PCDHGA5: variants seen among roughly 807,000 people sequenced by gnomAD.
PCDHGA5 encodes the protein protocadherin gamma subfamily A, 5.
Under a neutral mutation model 56.7 loss-of-function variants are expected in PCDHGA5, and 36 were observed. The observed-to-expected ratio is 0.64, with a 90% confidence interval of 0.49 to 0.84. The LOEUF (loss-of-function observed/expected upper bound fraction) is 0.84. Among genes scored for constraint, PCDHGA5 ranks in the 40% least tolerant of loss-of-function variants. The pLI is 0.00. For missense variants in PCDHGA5, 1,305 were observed against 1,201.5 expected (o/e 1.09, Z -1.27); for synonymous variants, 563 against 520.2 (o/e 1.08, Z -1.12).
chr5:141,488,175 T>C (rs889217562), intron 1 of PCDHGA5, among the ~76,000 whole-genome samples: 1 of 152,168 alleles, frequency 6.6e-6, no homozygotes, highest in Non-Finnish European at 1.5e-5. Context: ...AGTGGTGGCA[T>C]AGATCTTTTG....
Position 141,370,705 on chromosome 5 carries a change from T to C in PCDHGA5, c.2421+3954T>C, listed in dbSNP as rs766733768. ...TGTGGCAAGAAGTCGACGTGTGTTC[T>C]GGAATTTGAAATGGTTGCTGAAAAG... On this transcript the variant is annotated intron_variant, in intron 1 of 3. Transcript: ENST00000518069. The C allele has an allele frequency of 5.0e-6, 8 of 1,613,842 alleles. No individual in the cohort carries two copies. Among genetic ancestry groups the C allele is most frequent in the Non-Finnish European group, 6.8e-6 (8 of 1,179,894 alleles).
At chr5:141,437,013 A>G (rs570721163) in intron 1 of PCDHGA5, among the ~76,000 whole-genome samples, 146 of 152,354 alleles carry the variant, frequency 9.6e-4, no homozygotes, top group Non-Finnish European at 1.2e-3. Flanking sequence ...ATCTTAGATA[A>G]TTTCACCAGA....
At chr5:141,462,990 A>G (rs181384059) in intron 1 of PCDHGA5, among the ~76,000 whole-genome samples, 1 of 152,126 alleles carries the variant, frequency 6.6e-6, no homozygotes, top group Non-Finnish European at 1.5e-5. Flanking sequence ...GCCTTGGGCT[A>G]ATTTAGACCT....
chr5:141,433,703 G>T (rs1561871157), intron 1 of PCDHGA5, among the ~76,000 whole-genome samples: 1 of 152,098 alleles, frequency 6.6e-6, no homozygotes, highest in Non-Finnish European at 1.5e-5. Flanking sequence ...CGGGCGTGGT[G>T]GTGCATGTCT....
At chr5:141,412,133 C>T (rs2095537829) in intron 1 of PCDHGA5, 1 of 152,184 alleles carries the variant, frequency 6.6e-6, no homozygotes, top group African/African-American at 2.4e-5. Flanking sequence ...GGACTTTGGC[C>T]TCTGATACAA....
intron 1 of PCDHGA5, chr5:141,423,652 A>G (rs746768292): frequency 1.9e-6 from 3 of 1,583,268 alleles, no homozygotes; most frequent in Non-Finnish European, 2.6e-6. Flanking sequence ...TGACCCGACA[A>G]GTAATCAGGT....
intron 1 of PCDHGA5, among the ~76,000 whole-genome samples, chr5:141,479,053 A>G (rs534968614): frequency 9.2e-5 from 14 of 152,334 alleles, no homozygotes; most frequent in African/African-American, 3.1e-4. Context: ...TCATTCTCAG[A>G]TAATTTTTTA....
chr5:141,370,168 C>G (rs890245618), intron 1 of PCDHGA5: 7 of 458,078 alleles, frequency 1.5e-5, no homozygotes, highest in Non-Finnish European at 2.7e-5. Context: ...GCAGCAGAGG[C>G]GCCGGGTGCC....
intron 1 of PCDHGA5, chr5:141,427,497 G>C (rs775492626): frequency 1.6e-5 from 9 of 568,020 alleles, no homozygotes; most frequent in African/African-American, 3.7e-5. Flanking sequence ...GCTTGTAACA[G>C]ATGGGACCCT....
chr5:141,474,981 G>A (rs1336399018), intron 1 of PCDHGA5, among the ~76,000 whole-genome samples: 1 of 152,126 alleles, frequency 6.6e-6, no homozygotes, highest in African/African-American at 2.4e-5. Context: ...ATTTTGTTTG[G>A]TGACAACAAT....
At chr5:141,385,376 C>T in intron 1 of PCDHGA5, 1 of 1,523,128 alleles carries the variant, frequency 6.6e-7, no homozygotes. Context: ...CATGATATTT[C>T]TCTATTATTT....
intron 1 of PCDHGA5, among the ~76,000 whole-genome samples, chr5:141,426,008 T>G (rs2096909040): frequency 6.6e-6 from 1 of 152,224 alleles, no homozygotes; most frequent in South Asian, 2.1e-4. Context: ...GGCTTCCGGC[T>G]GCAGTTTTCT....
At chr5:141,454,320 C>G (rs140074578) in intron 1 of PCDHGA5, among the ~76,000 whole-genome samples, 4 of 152,148 alleles carry the variant, frequency 2.6e-5, no homozygotes, top group Admixed American at 2.6e-4. Context: ...ATTGAAACCT[C>G]CAAGAATAAA....
At chr5:141,371,227 T>C (rs1767587873) in intron 1 of PCDHGA5, 1 of 1,613,932 alleles carries the variant, frequency 6.2e-7, no homozygotes, top group African/African-American at 1.3e-5. Context: ...GCCGAAATCA[T>C]CTATGCCTTC....
In PCDHGA5 at chr5:141,430,673, C is replaced by T. The variant is rs183365013; in HGVS notation, c.2421+63922C>T. 1.5e-4 allele frequency: 198 copies of T among 1,288,318 alleles called. 2 individuals are homozygous for T. In the African/African-American group the frequency reaches 2.8e-3, roughly 18 times the overall value. The allele number at this position is 1,288,318 out of a possible 1,614,324, so 79.8% of individuals were successfully genotyped here. On this transcript the variant is annotated intron_variant, in intron 1 of 3. Coordinates refer to ENST00000518069, the MANE Select transcript of PCDHGA5 (RefSeq NM_018918.3). Reference sequence around the variant, plus strand: ...AAACAACGGAGGAGCTCTGACTTCCCAACTGTCCCATTCTATGGGCGAAGG... The same window carrying T: ...AAACAACGGAGGAGCTCTGACTTCCTAACTGTCCCATTCTATGGGCGAAGG...
chr5:141,451,163 G>A (rs2098709493), intron 1 of PCDHGA5, among the ~76,000 whole-genome samples: 1 of 152,086 alleles, frequency 6.6e-6, no homozygotes, highest in African/African-American at 2.4e-5. Flanking sequence ...TTTTTTGGTA[G>A]TATATTATTT....
chr5:141,491,795 C>G lies in PCDHGA5; in HGVS notation c.2422-3012C>G. The G allele has an allele frequency of 6.6e-7, 1 of 1,511,694 alleles. No individual in the cohort carries two copies. The highest frequency in any genetic ancestry group is 8.8e-7 in the Non-Finnish European group (1 of 1,130,430). The allele number at this position is 1,511,694 out of a possible 1,614,324, so 93.6% of individuals were successfully genotyped here. On this transcript the variant is annotated intron_variant, in intron 1 of 3. Transcript: ENST00000518069. The surrounding 1 kb of genome is among the most constrained non-coding windows in gnomAD (Gnocchi z 6.9). ...GGATTGAACTTGCATCCACTCCTCT[C>G]CGGCCGGCTTGGTCGCTGGCTGCGC...
chr5:141,404,952 G>T, intron 1 of PCDHGA5: 1 of 1,614,030 alleles, frequency 6.2e-7, no homozygotes, highest in Non-Finnish European at 8.5e-7. Flanking sequence ...ATAGCTGACA[G>T]CATCCCAGAC....
chr5:141,383,820 A>T, intron 1 of PCDHGA5: 1 of 1,613,924 alleles, frequency 6.2e-7, no homozygotes, highest in East Asian at 2.2e-5. Context: ...TAGAAGGATT[A>T]GATTATGAAG....
Sources: allele counts gnomAD v4.1 joint callset (sites outside exome capture counted in the v4.1 genomes callset), GRCh38; gene constraint gnomAD v4.1.1; non-coding constraint Gnocchi (gnomAD v3.1); transcripts MANE v1.5; gene names NCBI Gene and HGNC (gene_info 2026-07-23, HGNC 2026-07-21).